Variants in ZNF804B observed in about 807,000 individuals in gnomAD.
ZNF804B encodes zinc finger protein 804B.
Under a neutral mutation model 101.4 loss-of-function variants are expected in ZNF804B, and 80 were observed. The ratio of observed to expected loss-of-function variants is 0.79; its 90% confidence interval spans 0.66 to 0.95. ZNF804B has a LOEUF of 0.95. ZNF804B is among the 40% of genes least tolerant of loss of function. ZNF804B has a pLI of 0.00. For synonymous variants in ZNF804B, 622 were observed against 558.8 expected (o/e 1.11, Z -1.59); for missense variants, 1,673 against 1,561.9 (o/e 1.07, Z -1.20).
At chr7:89,047,632 C>T (rs148274659) in intron 1 of ZNF804B, among the ~76,000 whole-genome samples, 23 of 152,192 alleles carry the variant, frequency 1.5e-4, no homozygotes, top group African/African-American at 5.5e-4. Context: ...TGGGAGGAGT[C>T]GTAAATGTTC....
At position 88,875,016 on chromosome 7, in the gene ZNF804B, C is replaced by T. The variant is rs1251409637; in HGVS notation, c.108+114932C>T. On this transcript the variant is annotated intron_variant, in intron 1 of 3. Coordinates refer to ENST00000333190, the MANE Select transcript of ZNF804B (RefSeq NM_181646.5). The stretch of plus-strand genomic sequence containing the variant: ...GAGGATTAAGAATCTCACTCAAAAC[C>T]GCTCAACTACATGGAAACTGAACAA... 1.1e-4 allele frequency among the ~76,000 whole-genome samples: 14 copies of T among 128,952 alleles called. No homozygotes were observed. The South Asian group carries it at 2.8e-3, about 26-fold the overall frequency. The allele number at this position is 128,952 out of a possible 152,430, so 84.6% of individuals were successfully genotyped here. A position where few individuals can be genotyped will look rare whatever the true frequency, so the allele number is the denominator to read the frequency against.
chr7:89,118,831 A>G (rs975200926), intron 1 of ZNF804B, among the ~76,000 whole-genome samples: 1 of 152,174 alleles, frequency 6.6e-6, no homozygotes, highest in Non-Finnish European at 1.5e-5. Context: ...AACATTCTCC[A>G]TTCATTACTG....
chr7:89,171,495 C>T (rs981847210), intron 1 of ZNF804B, among the ~76,000 whole-genome samples: 6 of 151,654 alleles, frequency 4.0e-5, no homozygotes, highest in African/African-American at 9.7e-5. Context: ...AGTGCAGTGG[C>T]GCTGTCTTAG....
intron 1 of ZNF804B, among the ~76,000 whole-genome samples, chr7:88,815,794 A>G (rs548136704): frequency 5.7e-4 from 86 of 152,180 alleles, no homozygotes; most frequent in African/African-American, 1.9e-3. Flanking sequence ...TCCCATGCCA[A>G]GCTGCCTTCC....
In ZNF804B at chr7:89,334,169, A is replaced by T. The variant is rs148092981; in HGVS notation, c.1187A>T (p.Lys396Met). ...TCATCACTGGAGCCAAGTGAACAAA[A>T]GAGTACAGTGCATCTGAATCCAAAT... ...EFSSLEPSEQ[K>M]STVHLNPNSR... The change falls in exon 4 of 4, where the codon AAG becomes ATG. Residue 396 changes from lysine to methionine, a missense_variant. By Grantham distance (95) the Lys-to-Met change is moderately conservative (BLOSUM62 -1). Transcript: ENST00000333190. The T allele has an allele frequency of 2.5e-6, 4 of 1,613,522 alleles. No individual in the cohort carries two copies. The African/African-American group carries it at 5.3e-5, about 22-fold the overall frequency.
chr7:89,086,844 T>A (rs1214322610), intron 1 of ZNF804B, among the ~76,000 whole-genome samples: 1 of 151,834 alleles, frequency 6.6e-6, no homozygotes, highest in Non-Finnish European at 1.5e-5. Context: ...ATAATAAAAA[T>A]TTGTCTTTGT....
At chr7:89,188,356 A>G (rs573160892) in intron 1 of ZNF804B, among the ~76,000 whole-genome samples, 1 of 152,076 alleles carries the variant, frequency 6.6e-6, no homozygotes, top group Admixed American at 6.6e-5. Flanking sequence ...TGCTTCACTG[A>G]GCAGCAGTTC....
chr7:89,176,591 C>CTTTTTTTTTTTTTTTTT (rs35866405), intron 1 of ZNF804B, among the ~76,000 whole-genome samples: 56 of 71,956 alleles, frequency 7.8e-4, no homozygotes, highest in East Asian at 3.6e-3. Context: ...TTCTTTCTTT[C>CTTTTTTTTTTTTTTTTT]TTTTTTTTTT....
At chr7:89,137,232 A>G (rs1790650919) in intron 1 of ZNF804B, among the ~76,000 whole-genome samples, 1 of 152,096 alleles carries the variant, frequency 6.6e-6, no homozygotes, top group African/African-American at 2.4e-5. Context: ...TGCTCAGATG[A>G]TGTTAAGGTG....
At chr7:89,193,506 C>T (rs1159093139) in intron 1 of ZNF804B, among the ~76,000 whole-genome samples, 1 of 140,782 alleles carries the variant, frequency 7.1e-6, no homozygotes, top group Non-Finnish European at 1.5e-5. Context: ...TGTTCCCCTT[C>T]ATGTGTCCAT....
chr7:89,242,811 T>A (rs978822442), intron 2 of ZNF804B, among the ~76,000 whole-genome samples: 5 of 151,892 alleles, frequency 3.3e-5, no homozygotes, highest in African/African-American at 9.6e-5. Context: ...AATGTATTGA[T>A]CTTCTAAATG....
chr7:89,190,773 C>G (rs1788444163), intron 1 of ZNF804B, among the ~76,000 whole-genome samples: 1 of 152,118 alleles, frequency 6.6e-6, no homozygotes, highest in African/African-American at 2.4e-5. Context: ...GATCAGTCAG[C>G]AGAAATCAAC....
At chr7:89,287,463 A>G (rs1479329247) in intron 2 of ZNF804B, among the ~76,000 whole-genome samples, 5 of 152,196 alleles carry the variant, frequency 3.3e-5, no homozygotes, top group African/African-American at 7.2e-5. Flanking sequence ...TGTGGTGCCA[A>G]AAAATAAAGC....
At chr7:88,839,872 C>A (rs1012526806) in intron 1 of ZNF804B, among the ~76,000 whole-genome samples, 2 of 152,080 alleles carry the variant, frequency 1.3e-5, no homozygotes, top group African/African-American at 4.8e-5. Context: ...ATACATAGCA[C>A]GTGGCATATA....
chr7:89,082,955 T>C (rs1448005323), intron 1 of ZNF804B, among the ~76,000 whole-genome samples: 3 of 151,798 alleles, frequency 2.0e-5, no homozygotes, highest in African/African-American at 7.2e-5. Flanking sequence ...ATTGGCACTT[T>C]GAAGATTGAT....
In ZNF804B at chr7:88,929,344, GAA is replaced by G. The variant is rs35365536; in HGVS notation, c.108+169271_108+169272del. 4.7e-3 allele frequency among the ~76,000 whole-genome samples: 693 copies of G among 145,970 alleles called. 5 individuals are homozygous for G. Among genetic ancestry groups the G allele is most frequent in the African/African-American group, 0.015 (597 of 40,112 alleles). On this transcript the variant is annotated intron_variant, in intron 1 of 3. Transcript: ENST00000333190. ...TTTTCTACTATATCCCTAAGGTTCT[GAA>G]AAAAAAAAAATTAGCTCATGGGTTA...
chr7:88,829,023 T>C (rs983578515), intron 1 of ZNF804B, among the ~76,000 whole-genome samples: 6 of 152,132 alleles, frequency 3.9e-5, no homozygotes, highest in Non-Finnish European at 7.4e-5. Context: ...AGGAAGTAAT[T>C]ACTTTGTTGG....
intron 1 of ZNF804B, among the ~76,000 whole-genome samples, chr7:89,023,835 C>A (rs1362961352): frequency 2.6e-5 from 4 of 152,294 alleles, no homozygotes; most frequent in Admixed American, 1.3e-4. Context: ...GAGTTTTTGA[C>A]TGAAGCACAA....
chr7:89,198,204 G>T (rs1156682092), intron 1 of ZNF804B, among the ~76,000 whole-genome samples: 1 of 151,852 alleles, frequency 6.6e-6, no homozygotes, highest in African/African-American at 2.4e-5. Context: ...TTATGGAAAT[G>T]CTACTCACAC....
Sources: gnomAD v4.1 joint callset for allele counts (sites outside exome capture counted in the v4.1 genomes callset) on GRCh38, gnomAD v4.1.1 for gene constraint, MANE v1.5 for transcripts, NCBI Gene and HGNC (gene_info 2026-07-23, HGNC 2026-07-21) for gene names.